The following PEX13 variants were observed in gnomAD, a reference collection of about 807,000 sequenced individuals.
PEX13 encodes the protein peroxisomal biogenesis factor 13, also known as peroxisome biogenesis factor 13.
PEX13 carries 28 observed loss-of-function variants against 34.5 expected under a neutral mutation model. The observed-to-expected ratio is 0.81, with a 90% CI of 0.60 to 1.11. PEX13 has a LOEUF of 1.11. Among genes scored for constraint, PEX13 ranks in the 50% most tolerant of loss-of-function variants. PEX13 has a pLI of 0.00. For synonymous variants in PEX13, 177 were observed against 175.1 expected (o/e 1.01, Z -0.09); for missense variants, 550 against 491.0 (o/e 1.12, Z -1.13).
Position 61,031,877 on chromosome 2 carries a change from T to C in PEX13, c.551T>C (p.Leu184Ser). The change falls in exon 2 of 4, where the codon TTG (leucine) becomes TCG (serine). Residue 184 changes from leucine (L) to serine (S), a missense_variant. Leu to Ser is a moderately radical substitution (Grantham distance 145). Transcript: ENST00000295030. Reference sequence around the variant, plus strand: ...ACAAAAGTGTTTTCAGCTTTTGCATTGGTTAGGACTATACGGTATCTTTAC... The same window carrying C: ...ACAAAAGTGTTTTCAGCTTTTGCATCGGTTAGGACTATACGGTATCTTTAC... ...HFTKVFSAFA[L>S]VRTIRYLYRR... 1 of 1,613,114 alleles carries C rather than the reference T, an allele frequency of 6.2e-7. No individual in the cohort carries two copies. Among genetic ancestry groups the C allele is most frequent in the East Asian group, 2.2e-5 (1 of 44,880 alleles).
At chr2:61,025,689 C>G (rs932461930) in intron 1 of PEX13, among the ~76,000 whole-genome samples, 1 of 152,078 alleles carries the variant, frequency 6.6e-6, no homozygotes, top group Non-Finnish European at 1.5e-5. Flanking sequence ...GAGAGCTGCA[C>G]ATTGTATATA....
At chr2:61,025,009 A>G (rs562826725) in intron 1 of PEX13, among the ~76,000 whole-genome samples, 49 of 152,308 alleles carry the variant, frequency 3.2e-4, no homozygotes, top group African/African-American at 1.1e-3. Flanking sequence ...ATAAGTCTAT[A>G]ATAACTCTAT....
intron 1 of PEX13, chr2:61,018,299 A>G (rs1680151155): frequency 6.5e-7 from 1 of 1,550,014 alleles, no homozygotes; most frequent in African/African-American, 1.4e-5. Flanking sequence ...AAAGCCGGAA[A>G]GGTTTTACGC....
At chr2:61,034,344 G>C (rs903469084) in intron 2 of PEX13, among the ~76,000 whole-genome samples, 1 of 152,214 alleles carries the variant, frequency 6.6e-6, no homozygotes, top group Non-Finnish European at 1.5e-5. Context: ...TCGCTTCCAA[G>C]ATAGCCAAAT....
At chr2:61,033,112 T>C (rs956841826) in intron 2 of PEX13, among the ~76,000 whole-genome samples, 1 of 152,156 alleles carries the variant, frequency 6.6e-6, no homozygotes, top group Non-Finnish European at 1.5e-5. Context: ...TTAAGATAAA[T>C]CAGTAGAAGT....
intron 1 of PEX13, among the ~76,000 whole-genome samples, chr2:61,019,868 T>C: frequency 6.6e-6 from 1 of 152,214 alleles, no homozygotes; most frequent in East Asian, 1.9e-4. Context: ...GGGATTTTTA[T>C]TGGAACTGAG....
At position 61,031,445 on chromosome 2, in the gene PEX13, T is replaced by G. The variant is rs751987006; in HGVS notation, c.119T>G (p.Met40Arg). 3.7e-6 allele frequency: 6 copies of G among 1,614,170 alleles called. No homozygotes were observed. The highest frequency in any genetic ancestry group is 5.1e-6 in the Non-Finnish European group (6 of 1,180,004). Residue 40 changes from methionine to arginine, a missense_variant, in exon 2 of 4, where the codon ATG becomes AGG. Transcript: ENST00000295030. ...FQSADLGPTL[M>R]TRPGQPALTR... ...TCTGCTGATTTGGGTCCTACTTTAATGACAAGACCTGGACAACCAGCACTT... is the reference window on the plus strand; with the variant it reads ...TCTGCTGATTTGGGTCCTACTTTAAGGACAAGACCTGGACAACCAGCACTT...
At chr2:61,030,517 C>G (rs1680433152) in intron 1 of PEX13, among the ~76,000 whole-genome samples, 1 of 152,104 alleles carries the variant, frequency 6.6e-6, no homozygotes, top group South Asian at 2.1e-4. Context: ...GAAGTGATCT[C>G]TAGTGTTCCT....
At chr2:61,020,800 G>A (rs974698167) in intron 1 of PEX13, among the ~76,000 whole-genome samples, 15 of 151,964 alleles carry the variant, frequency 9.9e-5, no homozygotes, top group Non-Finnish European at 1.3e-4. Flanking sequence ...GACTACAGGC[G>A]CGTGCCACTC....
At chr2:61,035,813 A>G (rs1211374026) in intron 2 of PEX13, among the ~76,000 whole-genome samples, 1 of 151,968 alleles carries the variant, frequency 6.6e-6, no homozygotes, top group East Asian at 1.9e-4. Context: ...GAGAAACCCC[A>G]TCTCTACTAA....
chr2:61,018,469 A>G (rs1680160366), intron 1 of PEX13: 2 of 635,630 alleles, frequency 3.1e-6, no homozygotes, highest in Admixed American at 3.8e-5. Context: ...TGAGGCCTGT[A>G]TTTTTTTTTT....
chr2:61,047,644 CTT>C (rs1680725405), intron 3 of PEX13, among the ~76,000 whole-genome samples: 1 of 152,126 alleles, frequency 6.6e-6, no homozygotes, highest in African/African-American at 2.4e-5. Context: ...AATAGTGCCT[CTT>C]AACACTAGCT....
At chr2:61,037,913 TA>T (rs1445653772) in intron 2 of PEX13, among the ~76,000 whole-genome samples, 1 of 152,060 alleles carries the variant, frequency 6.6e-6, no homozygotes, top group Admixed American at 6.6e-5. Flanking sequence ...TAAAAAATGA[TA>T]AAAGGGGTAT....
At position 61,051,619 on chromosome 2, in the gene PEX13, G is replaced by T. The variant is rs1191820716; in HGVS notation, c.*2849G>T. 6.6e-6 allele frequency: 1 copy of T among 152,110 alleles called. No homozygotes were observed. Among genetic ancestry groups the T allele is most frequent in the East Asian group, 1.9e-4 (1 of 5,314 alleles). The allele number at this position is 152,110 out of a possible 1,614,324, so 9.4% of individuals were successfully genotyped here. On this transcript the variant is annotated 3_prime_UTR_variant, in exon 4 of 4. Transcript: ENST00000295030. ...TTTTAGCTGAGATTAAATGTTCAAGGCTCCAATATTATTTTTAGGAACTTA... is the reference window on the plus strand; with the variant it reads ...TTTTAGCTGAGATTAAATGTTCAAGTCTCCAATATTATTTTTAGGAACTTA...
chr2:61,044,591 G>T (rs1463054231), intron 2 of PEX13, among the ~76,000 whole-genome samples: 1 of 152,052 alleles, frequency 6.6e-6, no homozygotes, highest in East Asian at 1.9e-4. Context: ...TCTCCATGTT[G>T]GTCAGGCTGG....
At position 61,031,735 on chromosome 2, in the gene PEX13, G is replaced by A. The variant is rs768438349; in HGVS notation, c.409G>A (p.Val137Met). ...RGAFQSIESI[V>M]HAFASVSMMM... ...TGCATTTCAGTCCATTGAAAGTATT[G>A]TGCATGCATTTGCCTCTGTCAGTAT... Residue 137 changes from valine (V) to methionine (M), a missense_variant, in exon 2 of 4, where the codon GTG becomes ATG. By Grantham distance (21) the Val-to-Met change is conservative. Coordinates refer to ENST00000295030, the MANE Select transcript of PEX13 (RefSeq NM_002618.4). The A allele has an allele frequency of 1.9e-6, 3 of 1,614,050 alleles. No homozygotes were observed. The highest frequency in any genetic ancestry group is 1.7e-5 in the Admixed American group (1 of 59,998).
At chr2:61,025,357 T>C (rs537456769) in intron 1 of PEX13, among the ~76,000 whole-genome samples, 1 of 150,724 alleles carries the variant, frequency 6.6e-6, no homozygotes, top group South Asian at 2.1e-4. Context: ...ATTATTATTA[T>C]CATTATTATT....
At chr2:61,019,320 G>A (rs552329027) in intron 1 of PEX13, among the ~76,000 whole-genome samples, 7 of 151,992 alleles carry the variant, frequency 4.6e-5, no homozygotes, top group African/African-American at 1.7e-4. Flanking sequence ...ATTTGTAAGA[G>A]TATTGTTAAA....
rs1448189089 is a variant in PEX13 at position 61,031,594 on chromosome 2, T to G, written c.268T>G (p.Tyr90Asp). ...ATATGGTGCCTATGGAAATTCATTT[T>G]ATGGAGGCTATAGTCCTTATAGTTA... The part of the protein sequence containing the change: ...SGYGAYGNSF[Y>D]GGYSPYSYGY... Residue 90 changes from tyrosine (Y) to aspartate (D), a missense_variant, in exon 2 of 4, where the codon TAT becomes GAT. Physicochemically the swap from Tyr to Asp is radical, Grantham distance 160. Transcript: ENST00000295030. 1 of 1,614,190 alleles carries G rather than the reference T, an allele frequency of 6.2e-7. No homozygotes were observed. Among genetic ancestry groups the G allele is most frequent in the Admixed American group, 1.7e-5 (1 of 60,022 alleles).
Sources: gnomAD v4.1 joint callset for allele counts (sites outside exome capture counted in the v4.1 genomes callset) on GRCh38, gnomAD v4.1.1 for gene constraint, MANE v1.5 for transcripts, NCBI Gene and HGNC (gene_info 2026-07-23, HGNC 2026-07-21) for gene names.